The following MCU variants were observed in gnomAD, a reference collection of about 807,000 sequenced individuals.
MCU encodes mitochondrial calcium uniporter, also known as calcium uniporter protein, mitochondrial.
A neutral mutation model predicts 45.2 loss-of-function variants in MCU; 12 were observed. The observed-to-expected ratio is 0.27, with a 90% CI of 0.17 to 0.43. The LOEUF is 0.43. Among genes scored for constraint, MCU ranks in the 20% least tolerant of loss-of-function variants. MCU has a pLI of 1.00. For missense variants in MCU, 324 were observed against 436.7 expected, an observed-to-expected ratio of 0.74 and a Z score of 2.30; for synonymous variants, 160 against 165.1, an observed-to-expected ratio of 0.97 and a Z score of 0.24.
At chr10:72,885,460 C>G (rs905438554) in intron 7 of MCU, among the ~76,000 whole-genome samples, 23 of 152,210 alleles carry the variant, frequency 1.5e-4, no homozygotes, top group African/African-American at 4.8e-4. Context: ...TCAGATGCTC[C>G]TTACATTCTT....
intron 1 of MCU, among the ~76,000 whole-genome samples, chr10:72,742,864 TC>T: frequency 6.6e-6 from 1 of 152,108 alleles, no homozygotes; most frequent in Admixed American, 6.6e-5. Context: ...TTTGGGCAAC[TC>T]CTGAGGTGAT....
At chr10:72,733,464 A>G (rs954359754) in intron 1 of MCU, among the ~76,000 whole-genome samples, 1 of 152,116 alleles carries the variant, frequency 6.6e-6, no homozygotes, top group Non-Finnish European at 1.5e-5. Context: ...CTCAAAAACA[A>G]CAACAACAAA....
intron 1 of MCU, among the ~76,000 whole-genome samples, chr10:72,811,049 A>T (rs1407468772): frequency 6.6e-6 from 1 of 152,226 alleles, no homozygotes; most frequent in Non-Finnish European, 1.5e-5. Flanking sequence ...TGCTCAGCAC[A>T]TGCTTTTAGA....
chr10:72,748,308 G>A (rs1843443922), intron 1 of MCU, among the ~76,000 whole-genome samples: 2 of 152,140 alleles, frequency 1.3e-5, no homozygotes, highest in African/African-American at 4.8e-5. Flanking sequence ...TTGGCCTCCC[G>A]AAGTGCTGGG....
chr10:72,768,152 AAAG>A (rs1246953260), intron 1 of MCU, among the ~76,000 whole-genome samples: 8 of 152,166 alleles, frequency 5.3e-5, no homozygotes, highest in Admixed American at 5.2e-4. Context: ...TTTTTTAAAA[AAAG>A]AAGTTGCATT....
At chr10:72,820,529 C>G (rs561090890) in intron 1 of MCU, among the ~76,000 whole-genome samples, 7 of 149,284 alleles carry the variant, frequency 4.7e-5, no homozygotes, top group African/African-American at 9.9e-5. Context: ...TTTTTTTTTC[C>G]GAAACGGAGT....
chr10:72,868,892 C>G, intron 5 of MCU, 29 bp downstream of exon 5: 1 of 1,604,870 alleles, frequency 6.2e-7, no homozygotes, highest in Non-Finnish European at 8.5e-7. Flanking sequence ...GGTTTTTTAC[C>G]TTAACCTGTA....
At chr10:72,738,530 G>A (rs183708726) in intron 1 of MCU, among the ~76,000 whole-genome samples, 18 of 152,298 alleles carry the variant, frequency 1.2e-4, no homozygotes, top group Admixed American at 9.2e-4. Flanking sequence ...GAAATGTTGA[G>A]TGCTGATAGC....
At chr10:72,768,449 A>G (rs1053723469) in intron 1 of MCU, among the ~76,000 whole-genome samples, 4 of 152,210 alleles carry the variant, frequency 2.6e-5, no homozygotes, top group Non-Finnish European at 4.4e-5. Flanking sequence ...AGAATTAGGC[A>G]AATCAGTCTT....
chr10:72,874,489 A>G (rs1314986873), intron 6 of MCU, among the ~76,000 whole-genome samples: 2 of 152,246 alleles, frequency 1.3e-5, no homozygotes, highest in Non-Finnish European at 1.5e-5. Flanking sequence ...GCTATTGAAC[A>G]TACGCATTTT....
chr10:72,692,646 G>C, intron 1 of MCU: 1 of 1,149,396 alleles, frequency 8.7e-7, no homozygotes, highest in South Asian at 3.4e-5. Context: ...CTGCCCCAAG[G>C]CTCCCTGAAC....
At chr10:72,720,612 T>C (rs1324065382) in intron 1 of MCU, among the ~76,000 whole-genome samples, 3 of 152,228 alleles carry the variant, frequency 2.0e-5, no homozygotes, top group African/African-American at 7.2e-5. Context: ...CTTTCCAATT[T>C]ATAGAATACT....
At chr10:72,773,233 A>G (rs113868323) in intron 1 of MCU, among the ~76,000 whole-genome samples, 45 of 152,330 alleles carry the variant, frequency 3.0e-4, no homozygotes, top group African/African-American at 9.6e-4. Context: ...GTGATCTCCA[A>G]AATAACAAAG....
chr10:72,755,178 T>C (rs1376147774), intron 1 of MCU, among the ~76,000 whole-genome samples: 1 of 150,694 alleles, frequency 6.6e-6, no homozygotes, highest in Non-Finnish European at 1.5e-5. Flanking sequence ...AGGCAGAGAT[T>C]TGCTCTTGTT....
chr10:72,804,640 A>G (rs1201318542), intron 1 of MCU, among the ~76,000 whole-genome samples: 1 of 152,192 alleles, frequency 6.6e-6, no homozygotes, highest in Non-Finnish European at 1.5e-5. Flanking sequence ...ATCACATGCA[A>G]AAAAACTGGC....
At chr10:72,851,641 G>A (rs1443883743) in intron 2 of MCU, among the ~76,000 whole-genome samples, 1 of 152,098 alleles carries the variant, frequency 6.6e-6, no homozygotes, top group Admixed American at 6.6e-5. Flanking sequence ...ATCTCAAAAG[G>A]CCAATCTTAG....
chr10:72,708,262 C>T (rs1842848375), intron 1 of MCU: 1 of 152,086 alleles, frequency 6.6e-6, no homozygotes, highest in South Asian at 2.1e-4. Flanking sequence ...GTTTTCTTTT[C>T]TCTAATCCAA....
intron 2 of MCU, among the ~76,000 whole-genome samples, chr10:72,857,512 A>G (rs549225394): frequency 7.7e-4 from 117 of 152,210 alleles, no homozygotes; most frequent in African/African-American, 2.6e-3. Flanking sequence ...TGCTGGGATT[A>G]CAGGCATGAG....
intron 1 of MCU, among the ~76,000 whole-genome samples, chr10:72,779,208 T>G (rs1263003700): frequency 6.6e-6 from 1 of 151,952 alleles, no homozygotes; most frequent in Non-Finnish European, 1.5e-5. Flanking sequence ...GACTTCGTGA[T>G]CCCCCCACCT....
Sources: gnomAD v4.1 joint callset for allele counts (sites outside exome capture counted in the v4.1 genomes callset) on GRCh38, gnomAD v4.1.1 for gene constraint, MANE v1.5 for transcripts, NCBI Gene and HGNC (gene_info 2026-07-23, HGNC 2026-07-21) for gene names.